The following COG5 variants were observed in gnomAD, a reference collection of about 807,000 sequenced individuals.
The protein encoded by COG5 is component of oligomeric golgi complex 5.
COG5 carries 86 observed loss-of-function variants against 110.4 expected under a neutral mutation model. That is an observed-to-expected ratio of 0.78 (90% CI 0.65 to 0.93). The LOEUF is 0.93. COG5 is among the 40% of genes least tolerant of loss of function. The probability of loss-of-function intolerance (pLI) is 0.00; values close to 1 mark genes in which losing one functional copy is unlikely to be tolerated. For missense variants in COG5, 1,077 were observed against 987.0 expected, an observed-to-expected ratio of 1.09 and a Z score of -1.22; for synonymous variants, 360 against 334.6, an observed-to-expected ratio of 1.08 and a Z score of -0.83.
chr7:107,342,291 G>A (rs1484933960), intron 10 of COG5, among the ~76,000 whole-genome samples: 1 of 144,684 alleles, frequency 6.9e-6, no homozygotes, highest in African/African-American at 2.6e-5. Context: ...TCGATCATTA[G>A]AGAAATGCAA....
chr7:107,546,538 C>T (rs1435406653), intron 5 of COG5, among the ~76,000 whole-genome samples: 1 of 149,748 alleles, frequency 6.7e-6, no homozygotes, highest in African/African-American at 2.5e-5. Context: ...CAGGCTCAAG[C>T]AATTCTTCTG....
chr7:107,282,007 CAAAAA>C (rs10706210), intron 13 of COG5, among the ~76,000 whole-genome samples: 2 of 113,328 alleles, frequency 1.8e-5, no homozygotes. Flanking sequence ...ATCTGACTGC[CAAAAA>C]AAAAAAAAAA....
At position 107,412,486 on chromosome 7, in the gene COG5, G is replaced by A. The variant is rs771223452; in HGVS notation, c.669+16C>T. On this transcript the variant is annotated intron_variant, in intron 7 of 21. Transcript: ENST00000297135. ...GACACATTTTTTACATTAAAAAACA[G>A]TCTTATTTTTATTACCTGAGTCTCC... 3 of 1,608,948 alleles carry A rather than the reference G, an allele frequency of 1.9e-6. No homozygotes were observed. Among genetic ancestry groups the A allele is most frequent in the East Asian group, 4.5e-5 (2 of 44,690 alleles).
At chr7:107,457,533 A>G (rs917328693) in intron 6 of COG5, among the ~76,000 whole-genome samples, 3 of 152,086 alleles carry the variant, frequency 2.0e-5, no homozygotes, top group African/African-American at 7.2e-5. Context: ...GGTTCATGCC[A>G]TTCTCCTGCC....
intron 8 of COG5, among the ~76,000 whole-genome samples, chr7:107,370,731 A>G (rs1814070735): frequency 6.7e-6 from 1 of 150,244 alleles, no homozygotes; most frequent in African/African-American, 2.4e-5. Context: ...GGTTGCAGTG[A>G]GCTAAGATCG....
At chr7:107,273,762 G>C (rs1272088031) in intron 14 of COG5, among the ~76,000 whole-genome samples, 1 of 152,034 alleles carries the variant, frequency 6.6e-6, no homozygotes, top group Non-Finnish European at 1.5e-5. Flanking sequence ...GGTGGGTGTG[G>C]AGGATTCCAT....
At position 107,272,869 on chromosome 7, in the gene COG5, T is replaced by G. The variant is rs76825344; in HGVS notation, c.1575+8431A>C. On this transcript the variant is annotated intron_variant, in intron 14 of 21. Transcript: ENST00000297135. ...TAATACTAGTGAGTTGAGTAAAAGC[T>G]GCTCAAAAGTGTGCTACATGTCTGA... 7.4e-3 allele frequency among the ~76,000 whole-genome samples: 1,130 copies of G among 152,314 alleles called. 13 individuals are homozygous for G. The highest frequency in any genetic ancestry group is 0.013 in the Non-Finnish European group (866 of 68,016).
chr7:107,499,718 G>A (rs1219933853), intron 6 of COG5, among the ~76,000 whole-genome samples: 1 of 152,054 alleles, frequency 6.6e-6, no homozygotes, highest in Non-Finnish European at 1.5e-5. Flanking sequence ...TTTTTAAAAT[G>A]AGATGACAGA....
At chr7:107,224,239 C>T (rs1358365172) in intron 19 of COG5, among the ~76,000 whole-genome samples, 9 of 152,292 alleles carry the variant, frequency 5.9e-5, no homozygotes, top group East Asian at 3.9e-4. Context: ...GCTGCAGAGA[C>T]GGCCTTCTTT....
chr7:107,419,476 TAAA>T (rs1477426175), intron 6 of COG5, among the ~76,000 whole-genome samples: 1 of 148,026 alleles, frequency 6.8e-6, no homozygotes, highest in Non-Finnish European at 1.5e-5. Context: ...ATAGTAAAAA[TAAA>T]AGAAAAAGAA....
intron 6 of COG5, among the ~76,000 whole-genome samples, chr7:107,416,139 A>G (rs1270418665): frequency 6.6e-6 from 1 of 151,780 alleles, no homozygotes; most frequent in African/African-American, 2.4e-5. Flanking sequence ...AAAATATTCC[A>G]TTCTTAGGCA....
chr7:107,533,352 G>A (rs912688427), intron 5 of COG5, among the ~76,000 whole-genome samples: 8 of 151,416 alleles, frequency 5.3e-5, no homozygotes, highest in East Asian at 1.9e-4. Context: ...TTCAGAAGGC[G>A]GGTAATAACA....
rs1258550270 is a variant in COG5 at position 107,368,805 on chromosome 7, T to C, written c.835+3790A>G. On this transcript the variant is annotated intron_variant, in intron 8 of 21. Transcript: ENST00000297135. Reference sequence around the variant, plus strand: ...CTTTCTCAACATTTATGTTTTATTGTTAAATATTTCAGGCATACAAAAAAG... The same window carrying C: ...CTTTCTCAACATTTATGTTTTATTGCTAAATATTTCAGGCATACAAAAAAG... Among the ~76,000 whole-genome samples the C allele has an allele frequency of 2.0e-5, 3 of 152,202 alleles. No homozygotes were observed. In the East Asian group the frequency reaches 5.8e-4, roughly 29 times the overall value.
intron 14 of COG5, among the ~76,000 whole-genome samples, chr7:107,278,287 T>C (rs539188498): frequency 9.9e-5 from 15 of 152,220 alleles, no homozygotes; most frequent in African/African-American, 3.1e-4. Flanking sequence ...TCTTTTTTAT[T>C]ATACTTTAAG....
At chr7:107,498,747 G>T (rs574409884) in intron 6 of COG5, among the ~76,000 whole-genome samples, 21 of 152,220 alleles carry the variant, frequency 1.4e-4, no homozygotes, top group African/African-American at 5.1e-4. Flanking sequence ...ATTCCTCAAA[G>T]AAATTAAAAA....
intron 8 of COG5, among the ~76,000 whole-genome samples, chr7:107,366,580 T>C (rs1220151347): frequency 6.6e-6 from 1 of 152,078 alleles, no homozygotes; most frequent in Non-Finnish European, 1.5e-5. Context: ...ACTTCAAAGA[T>C]AAAGGAAAAA....
intron 11 of COG5, among the ~76,000 whole-genome samples, chr7:107,313,017 C>A (rs546637002): frequency 1.4e-3 from 208 of 152,252 alleles, no homozygotes; most frequent in African/African-American, 2.6e-3. Context: ...GTAGAAGTTT[C>A]TTCCCATTTG....
Position 107,546,497 on chromosome 7 carries a change from G to A in COG5, c.417+1614C>T, listed in dbSNP as rs187566423. Among the ~76,000 whole-genome samples, 5 of 139,624 alleles carry A rather than the reference G, an allele frequency of 3.6e-5. No individual in the cohort carries two copies. In the East Asian group the frequency reaches 1.1e-3, roughly 30 times the overall value. 91.6% of individuals were successfully genotyped at this position (139,624 alleles called of 152,430 possible). On this transcript the variant is annotated intron_variant, in intron 5 of 21. Coordinates refer to ENST00000297135, the MANE Select transcript of COG5 (RefSeq NM_006348.5). ...TTTGTCCAGGCTCCAGTACAATGGT[G>A]CAATCTTGGCTCGCTGCAACTTCCA... is the stretch of plus-strand genomic sequence containing the variant.
intron 10 of COG5, among the ~76,000 whole-genome samples, chr7:107,356,045 C>A (rs1812599138): frequency 6.6e-6 from 1 of 152,040 alleles, no homozygotes; most frequent in Admixed American, 6.6e-5. Context: ...TTTTGTAAAC[C>A]TAAAGCTGCC....
Sources: allele counts gnomAD v4.1 joint callset (sites outside exome capture counted in the v4.1 genomes callset), GRCh38; gene constraint gnomAD v4.1.1; transcripts MANE v1.5; gene names NCBI Gene and HGNC (gene_info 2026-07-23, HGNC 2026-07-21).